The following BARX2 variants were observed in gnomAD, a reference collection of about 807,000 sequenced individuals.
BARX2 encodes BARX homeobox 2.
In BARX2, 11 loss-of-function variants were observed where a neutral mutation model predicts 25.5. That is an observed-to-expected ratio of 0.43 (90% CI 0.27 to 0.71). The LOEUF is 0.71. Among genes scored for constraint, BARX2 ranks in the 30% least tolerant of loss-of-function variants. BARX2 has a pLI of 0.19. For missense variants in BARX2, 360 were observed against 359.9 expected (o/e 1.00, Z 0.00); for synonymous variants, 137 against 149.5 (o/e 0.92, Z 0.61).
chr11:129,406,197 C>A (rs1861827891), intron 1 of BARX2, among the ~76,000 whole-genome samples: 1 of 152,210 alleles, frequency 6.6e-6, no homozygotes, highest in Admixed American at 6.5e-5. Flanking sequence ...TTGTTTTAAA[C>A]AAACATTTAA....
intron 1 of BARX2, among the ~76,000 whole-genome samples, chr11:129,391,164 G>T (rs1861662254): frequency 6.6e-6 from 1 of 152,198 alleles, no homozygotes; most frequent in Admixed American, 6.5e-5. Context: ...CAGAAAGCTA[G>T]ACCAGGGATT....
chr11:129,407,064 G>A (rs11221703), intron 1 of BARX2, among the ~76,000 whole-genome samples: 13,235 of 151,470 alleles, frequency 0.087, 697 homozygotes, highest in East Asian at 0.18. Flanking sequence ...GTATATTCCA[G>A]TATAGACTCT....
chr11:129,398,689 G>A (rs1448862566), intron 1 of BARX2, among the ~76,000 whole-genome samples: 2 of 152,160 alleles, frequency 1.3e-5, no homozygotes, highest in Admixed American at 6.5e-5. Flanking sequence ...GAGTATTTTC[G>A]ATTCTGGTTC....
intron 1 of BARX2, among the ~76,000 whole-genome samples, chr11:129,387,134 A>G (rs556190950): frequency 6.6e-6 from 1 of 152,256 alleles, no homozygotes; most frequent in Non-Finnish European, 1.5e-5. Context: ...GGCTGGGATC[A>G]GTTAAACAGA....
At chr11:129,434,256 T>G (rs1243992401) in intron 1 of BARX2, among the ~76,000 whole-genome samples, 1 of 492 alleles carries the variant, frequency 2.0e-3, no homozygotes, top group Admixed American at 0.038. Context: ...TCAGTTTATA[T>G]GTTTTTTTTT....
chr11:129,385,665 A>G (rs1861610576), intron 1 of BARX2, among the ~76,000 whole-genome samples: 2 of 152,142 alleles, frequency 1.3e-5, no homozygotes, highest in African/African-American at 4.8e-5. Flanking sequence ...TTATTTTCCT[A>G]TGTAATTTAT....
At chr11:129,416,132 G>A (rs1031680989) in intron 1 of BARX2, among the ~76,000 whole-genome samples, 2 of 152,218 alleles carry the variant, frequency 1.3e-5, no homozygotes, top group Admixed American at 6.5e-5. Flanking sequence ...CTTGGCCTTC[G>A]GGTGTGTTCA....
chr11:129,450,153 G>A (rs1209800765), intron 3 of BARX2, among the ~76,000 whole-genome samples: 1 of 152,186 alleles, frequency 6.6e-6, no homozygotes, highest in East Asian at 1.9e-4. Flanking sequence ...AAGTGGCAGA[G>A]TTGGAATTTA....
At chr11:129,435,390 G>A (rs1271580201) in intron 1 of BARX2, among the ~76,000 whole-genome samples, 1 of 152,218 alleles carries the variant, frequency 6.6e-6, no homozygotes, top group Non-Finnish European at 1.5e-5. Flanking sequence ...AACTGTGACT[G>A]GGGGCCAAAC....
chr11:129,404,391 T>C (rs1861808663), intron 1 of BARX2, among the ~76,000 whole-genome samples: 1 of 152,210 alleles, frequency 6.6e-6, no homozygotes, highest in African/African-American at 2.4e-5. Context: ...TTTGGGTGAT[T>C]AGAACCAATT....
chr11:129,391,951 CT>C (rs1267662402), intron 1 of BARX2, among the ~76,000 whole-genome samples: 9 of 152,182 alleles, frequency 5.9e-5, no homozygotes, highest in Admixed American at 1.3e-4. Flanking sequence ...CTTTAACCTG[CT>C]GCCCATCCCT....
rs552240277 is a variant in BARX2, at chr11:129,451,314, C to A, written c.752C>A (p.Ala251Glu). ...EELCEAQEPK[A>E]RDVPLEMAEP... ...CTCTGTGAAGCACAGGAACCGAAAG[C>A]ACGTGATGTCCCCTTAGAGATGGCA... Residue 251 changes from alanine (A) to glutamate (E), a missense_variant, in exon 4 of 4, where the codon GCA (alanine) becomes GAA (glutamate). Ala to Glu is a moderately radical substitution (Grantham distance 107, BLOSUM62 -1). Transcript: ENST00000281437. 6.2e-7 allele frequency: 1 copy of A among 1,614,186 alleles called. No homozygotes were observed. Among genetic ancestry groups the A allele is most frequent in the East Asian group, 2.2e-5 (1 of 44,888 alleles).
chr11:129,436,851 A>G lies in BARX2; in HGVS notation c.288A>G (p.Ala96=). 6.2e-7 allele frequency: 1 copy of G among 1,613,774 alleles called. No homozygotes were observed. Among genetic ancestry groups the G allele is most frequent in the Middle Eastern group, 1.6e-4 (1 of 6,062 alleles). The change falls in exon 2 of 4, where the codon GCA becomes GCG. Residue 96 remains alanine (A), a synonymous_variant. Coordinates refer to ENST00000281437, the MANE Select transcript of BARX2 (RefSeq NM_003658.5). The surrounding 1 kb of genome is among the most constrained non-coding windows in gnomAD (Gnocchi z 4.5). ...LVPATPGIAQ[A]LSCHQVTEAV... is the part of the protein sequence containing the mutation. Reference sequence around the variant, plus strand: ...CTGCCACCCCGGGAATCGCCCAGGCACTGTCCTGCCACCAGGTCACCGAGG... The same window carrying G: ...CTGCCACCCCGGGAATCGCCCAGGCGCTGTCCTGCCACCAGGTCACCGAGG...
At chr11:129,382,590 T>C (rs1039568115) in intron 1 of BARX2, among the ~76,000 whole-genome samples, 2 of 151,828 alleles carry the variant, frequency 1.3e-5, no homozygotes, top group Non-Finnish European at 2.9e-5. Context: ...AGTTGGTGGG[T>C]CTATGGCTAA....
At chr11:129,417,178 G>T (rs571200887) in intron 1 of BARX2, among the ~76,000 whole-genome samples, 1 of 152,266 alleles carries the variant, frequency 6.6e-6, no homozygotes, top group Admixed American at 6.5e-5. Context: ...TGGGACTACA[G>T]GTGTGAGCCA....
intron 1 of BARX2, among the ~76,000 whole-genome samples, chr11:129,431,507 G>A (rs1862129507): frequency 6.6e-6 from 1 of 152,204 alleles, no homozygotes; most frequent in African/African-American, 2.4e-5. Flanking sequence ...CTGTGTAACA[G>A]TACCTCTCTG....
intron 3 of BARX2, among the ~76,000 whole-genome samples, chr11:129,446,315 T>C (rs1482915423): frequency 6.6e-6 from 1 of 152,184 alleles, no homozygotes; most frequent in East Asian, 1.9e-4. Flanking sequence ...ACACTATTCA[T>C]GGTCATTATC....
rs1291783923 is a variant in BARX2, at chr11:129,442,849, A to G, written c.503A>G (p.Gln168Arg). The G allele has an allele frequency of 1.2e-6, 2 of 1,613,830 alleles. No individual in the cohort carries two copies. Among genetic ancestry groups the G allele is most frequent in the African/African-American group, 1.3e-5 (1 of 74,918 alleles). Residue 168 changes from glutamine (Q) to arginine (R), a missense_variant, in exon 3 of 4, where the codon CAG becomes CGG. Gln to Arg is a conservative substitution (Grantham distance 43). Around this residue, in one of 3 missense-constraint regions of BARX2, gnomAD observed 240 missense variants for 228.7 expected, o/e 1.05. Coordinates refer to ENST00000281437, the MANE Select transcript of BARX2 (RefSeq NM_003658.5). Reference protein sequence around the residue: ...LSTPDRLDLAQSLGLTQLQVK... With the variant: ...LSTPDRLDLARSLGLTQLQVK... Reference sequence around the variant, plus strand: ...GTGCCTTCTAGGTTGGACTTGGCTCAGTCTCTGGGACTCACTCAGCTGCAG... The same window carrying G: ...GTGCCTTCTAGGTTGGACTTGGCTCGGTCTCTGGGACTCACTCAGCTGCAG...
intron 1 of BARX2, among the ~76,000 whole-genome samples, chr11:129,402,705 T>G (rs1861790170): frequency 6.6e-6 from 1 of 152,242 alleles, no homozygotes; most frequent in Non-Finnish European, 1.5e-5. Flanking sequence ...AACTGGTTGG[T>G]TAACTCTCTT....
Sources: allele counts gnomAD v4.1 joint callset (sites outside exome capture counted in the v4.1 genomes callset), GRCh38; gene constraint gnomAD v4.1.1; regional missense constraint gnomAD v4.1.1; non-coding constraint Gnocchi (gnomAD v3.1); transcripts MANE v1.5; gene names NCBI Gene and HGNC (gene_info 2026-07-23, HGNC 2026-07-21).